RORA: variants seen among roughly 807,000 people sequenced by gnomAD.
The protein encoded by RORA is nuclear receptor ROR-alpha.
RORA carries 7 observed loss-of-function variants against 69.5 expected under a neutral mutation model. That is an observed-to-expected ratio of 0.10 (90% CI 0.06 to 0.19). The LOEUF (loss-of-function observed/expected upper bound fraction) is 0.19. Among genes scored for constraint, RORA ranks in the 10% least tolerant of loss-of-function variants. RORA has a pLI of 1.00. For synonymous variants in RORA, 261 were observed against 240.8 expected (o/e 1.08, Z -0.78); for missense variants, 457 against 663.0 (o/e 0.69, Z 3.41).
At chr15:61,149,828 T>A (rs928683182) in intron 1 of RORA, among the ~76,000 whole-genome samples, 3 of 152,246 alleles carry the variant, frequency 2.0e-5, no homozygotes, top group African/African-American at 7.2e-5. Context: ...AAGTCCCATT[T>A]TGTCTCATTC....
At chr15:60,850,138 T>C (rs1379725670) in intron 1 of RORA, among the ~76,000 whole-genome samples, 1 of 152,140 alleles carries the variant, frequency 6.6e-6, no homozygotes, top group Non-Finnish European at 1.5e-5. Context: ...ATGGAGCTGG[T>C]CCCAAGAAAT....
At chr15:60,869,787 A>T (rs147524402) in intron 1 of RORA, among the ~76,000 whole-genome samples, 2 of 152,344 alleles carry the variant, frequency 1.3e-5, no homozygotes, top group East Asian at 3.9e-4. Flanking sequence ...AAGCGATGCT[A>T]GCCCTAAGGG....
At chr15:60,924,633 C>G (rs1021099751) in intron 1 of RORA, among the ~76,000 whole-genome samples, 1 of 152,024 alleles carries the variant, frequency 6.6e-6, no homozygotes, top group Non-Finnish European at 1.5e-5. Flanking sequence ...CAGTAAAGCA[C>G]GAATACACAG....
chr15:60,800,511 T>C (rs533117433), intron 1 of RORA, among the ~76,000 whole-genome samples: 1 of 152,358 alleles, frequency 6.6e-6, no homozygotes, highest in Non-Finnish European at 1.5e-5. Flanking sequence ...TTCACATCGT[T>C]TCTTCCTTTG....
intron 1 of RORA, among the ~76,000 whole-genome samples, chr15:61,135,679 C>T (rs1288946768): frequency 2.0e-5 from 3 of 151,864 alleles, no homozygotes; most frequent in Admixed American, 6.6e-5. Context: ...CTGCTTTTGC[C>T]GGGTACCAGG....
intron 1 of RORA, among the ~76,000 whole-genome samples, chr15:60,740,515 T>A (rs560133795): frequency 6.6e-6 from 1 of 152,304 alleles, no homozygotes; most frequent in Admixed American, 6.5e-5. Context: ...CTGGACTATC[T>A]CCATGAAATG....
chr15:61,094,911 G>C (rs2140728507), intron 1 of RORA, among the ~76,000 whole-genome samples: 1 of 152,340 alleles, frequency 6.6e-6, no homozygotes, highest in East Asian at 1.9e-4. Flanking sequence ...TGCTACTGGA[G>C]CGGGTTTCAC....
intron 1 of RORA, among the ~76,000 whole-genome samples, chr15:61,151,765 C>T (rs1414428240): frequency 6.6e-6 from 1 of 152,186 alleles, no homozygotes; most frequent in Non-Finnish European, 1.5e-5. Context: ...GCTTATCAAG[C>T]ATGTACTTTA....
chr15:60,781,429 C>T (rs1049632695), intron 1 of RORA, among the ~76,000 whole-genome samples: 1 of 152,148 alleles, frequency 6.6e-6, no homozygotes, highest in Non-Finnish European at 1.5e-5. Flanking sequence ...TTCCAGTTCC[C>T]GGGGCAGGAC....
chr15:60,705,288 A>G lies in RORA; in HGVS notation c.167-26602T>C, dbSNP rs139452269. ...ATAAGGAATTTTTACACAATGTGGA[A>G]AATGAGGCAAATACAAAATGAATAT... On this transcript the variant is annotated intron_variant, in intron 1 of 10. Transcript: ENST00000335670. Among the ~76,000 whole-genome samples, 373 of 152,352 alleles carry G rather than the reference A, an allele frequency of 2.4e-3. 8 individuals carry two copies. The East Asian group carries it at 0.061, about 25-fold the overall frequency.
chr15:61,115,012 T>C (rs895139990), intron 1 of RORA, among the ~76,000 whole-genome samples: 3 of 152,226 alleles, frequency 2.0e-5, no homozygotes, highest in African/African-American at 7.2e-5. Flanking sequence ...AGCAACTACA[T>C]TTATGTGAAA....
chr15:60,909,863 A>T (rs867959918), intron 1 of RORA, among the ~76,000 whole-genome samples: 16 of 152,020 alleles, frequency 1.1e-4, no homozygotes, highest in Admixed American at 2.0e-4. Context: ...ATGTATTATT[A>T]TTTTTTTTCC....
At chr15:61,045,840 A>C (rs1249974556) in intron 1 of RORA, among the ~76,000 whole-genome samples, 1 of 152,230 alleles carries the variant, frequency 6.6e-6, no homozygotes, top group African/African-American at 2.4e-5. Flanking sequence ...TTAGCTATAA[A>C]AACACATAAA....
rs542998464 is a variant in RORA at position 60,946,866 on chromosome 15, G to A, written c.167-268180C>T. Among the ~76,000 whole-genome samples the A allele has an allele frequency of 5.2e-3, 781 of 149,210 alleles. 5 individuals carry two copies. Among genetic ancestry groups the A allele is most frequent in the African/African-American group, 0.019 (755 of 40,368 alleles). The stretch of plus-strand genomic sequence containing the variant: ...GCCCATCGTCTGAGATGTGGGGAGC[G>A]CCTCTGCCCCGCCGCCCCGTCTGGG... On this transcript the variant is annotated intron_variant, in intron 1 of 10. Transcript: ENST00000335670.
At chr15:60,900,444 G>C (rs1891355786) in intron 1 of RORA, among the ~76,000 whole-genome samples, 1 of 152,196 alleles carries the variant, frequency 6.6e-6, no homozygotes, top group Non-Finnish European at 1.5e-5. Context: ...TAACAGTCTA[G>C]TACAACTGGT....
chr15:60,544,447 A>G (rs1325515958), intron 2 of RORA, among the ~76,000 whole-genome samples: 1 of 152,158 alleles, frequency 6.6e-6, no homozygotes, highest in Non-Finnish European at 1.5e-5. Context: ...CCGTTTTTAT[A>G]CACCGAACCC....
At chr15:60,876,641 T>C (rs887957759) in intron 1 of RORA, among the ~76,000 whole-genome samples, 3 of 152,200 alleles carry the variant, frequency 2.0e-5, no homozygotes, top group African/African-American at 7.2e-5. Flanking sequence ...TTTTCTGAAA[T>C]AATTTTTACA....
chr15:60,591,089 A>G (rs888523629), intron 2 of RORA, among the ~76,000 whole-genome samples: 5 of 152,196 alleles, frequency 3.3e-5, no homozygotes, highest in African/African-American at 1.2e-4. Flanking sequence ...ACACAACCCC[A>G]AACTAGCAAA....
At chr15:61,089,770 G>A (rs1213474877) in intron 1 of RORA, among the ~76,000 whole-genome samples, 2 of 152,188 alleles carry the variant, frequency 1.3e-5, no homozygotes, top group Non-Finnish European at 2.9e-5. Context: ...GAAGTCCTGG[G>A]ATTGGTTTCC....
Sources: allele counts gnomAD v4.1 joint callset (sites outside exome capture counted in the v4.1 genomes callset), GRCh38; gene constraint gnomAD v4.1.1; transcripts MANE v1.5; gene names NCBI Gene and HGNC (gene_info 2026-07-23, HGNC 2026-07-21).